Variants in GAS2L3 observed in about 807,000 individuals in gnomAD.
GAS2L3 encodes growth arrest specific 2 like 3.
A neutral mutation model predicts 37.0 loss-of-function variants in GAS2L3; 28 were observed. The ratio of observed to expected loss-of-function variants is 0.76; its 90% CI spans 0.56 to 1.04. The LOEUF is 1.04. Ranked by LOEUF, GAS2L3 falls within the 50% of genes least tolerant of loss-of-function variation. The pLI, the probability that GAS2L3 is intolerant of heterozygous loss-of-function variation, is 0.00. For synonymous variants in GAS2L3, 290 were observed against 296.6 expected, an observed-to-expected ratio of 0.98 and a Z score of 0.23; for missense variants, 793 against 817.6, an observed-to-expected ratio of 0.97 and a Z score of 0.37.
chr12:100,594,150 T>TA (rs1593168743), intron 2 of GAS2L3, among the ~76,000 whole-genome samples: 2 of 152,030 alleles, frequency 1.3e-5, no homozygotes, highest in East Asian at 3.8e-4. Flanking sequence ...CTATGAGCAA[T>TA]AAAAAATCCT....
Position 100,601,714 on chromosome 12 carries a change from T to G in GAS2L3, c.264T>G (p.Leu88=). The G allele has an allele frequency of 6.2e-7, 1 of 1,602,662 alleles. No homozygotes were observed. Among genetic ancestry groups the G allele is most frequent in the Non-Finnish European group, 8.5e-7 (1 of 1,172,584 alleles). The change falls in exon 5 of 10, where the codon CTT becomes CTG. Residue 88 remains leucine, a synonymous_variant. Coordinates refer to ENST00000547754, the MANE Select transcript of GAS2L3 (RefSeq NM_174942.3). ...TATTATGTCAACTGATTGATGTTCT[T>G]CAAAACATGGTGAAAACATGCAACT... ...GVLLCQLIDV[L]QNMVKTCNSE...
chr12:100,623,978 A>G lies in GAS2L3; in HGVS notation c.1173A>G (p.Ile391Met). The change falls in exon 10 of 10, where the codon ATA becomes ATG. Residue 391 changes from isoleucine (I) to methionine (M), a missense_variant. By Grantham distance (10) the Ile-to-Met change is conservative. Transcript: ENST00000547754. ...CCAAGCTCAAGTCTTCAAAAGGCATAACGAAGAAACCGCAGGCTCCTTCAA... is the reference window on the plus strand; with the variant it reads ...CCAAGCTCAAGTCTTCAAAAGGCATGACGAAGAAACCGCAGGCTCCTTCAA... ...SHPKLKSSKG[I>M]TKKPQAPSNN... 2 of 1,614,150 alleles carry G rather than the reference A, an allele frequency of 1.2e-6. No individual in the cohort carries two copies. Among genetic ancestry groups the G allele is most frequent in the Non-Finnish European group, 1.7e-6 (2 of 1,180,010 alleles).
In GAS2L3 at chr12:100,623,808, G is replaced by C; in HGVS notation, c.1003G>C (p.Val335Leu). Residue 335 changes from valine (V) to leucine (L), a missense_variant, in exon 10 of 10, where the codon GTG becomes CTG. Val to Leu is a conservative substitution (Grantham distance 32, BLOSUM62 1). Transcript: ENST00000547754. ...MFQKQNSKPSVPVSIPKSKEK... is the reference protein window; with the variant it reads ...MFQKQNSKPSLPVSIPKSKEK... ...TCAGAAACAAAATTCAAAACCCAGC[G>C]TGCCAGTTAGTATTCCAAAAAGCAA... 1 of 1,613,950 alleles carries C rather than the reference G, an allele frequency of 6.2e-7. No individual in the cohort carries two copies. The highest frequency in any genetic ancestry group is 8.5e-7 in the Non-Finnish European group (1 of 1,179,988).
intron 1 of GAS2L3, among the ~76,000 whole-genome samples, chr12:100,575,028 A>T (rs565135162): frequency 1.3e-5 from 2 of 152,266 alleles, no homozygotes; most frequent in East Asian, 3.9e-4. Flanking sequence ...GGGGCTCTGA[A>T]ATCAGACTTC....
chr12:100,610,909 A>G (rs1279513431), intron 5 of GAS2L3: 3 of 152,052 alleles, frequency 2.0e-5, no homozygotes, highest in South Asian at 2.1e-4. Context: ...TCCTTATTTG[A>G]TAGTCTCCTC....
At chr12:100,600,120 G>A (rs928098957) in intron 3 of GAS2L3, among the ~76,000 whole-genome samples, 1 of 152,108 alleles carries the variant, frequency 6.6e-6, no homozygotes, top group African/African-American at 2.4e-5. Context: ...TCAGCTACTC[G>A]GGAGGCTGAG....
At chr12:100,583,637 ATTTT>A (rs1275811223) in intron 1 of GAS2L3, among the ~76,000 whole-genome samples, 1 of 151,718 alleles carries the variant, frequency 6.6e-6, no homozygotes, top group Non-Finnish European at 1.5e-5. Context: ...ATGCCGACTA[ATTTT>A]TTTTGTATTT....
At chr12:100,620,996 T>G (rs1359638551) in intron 8 of GAS2L3, among the ~76,000 whole-genome samples, 1 of 152,100 alleles carries the variant, frequency 6.6e-6, no homozygotes, top group African/African-American at 2.4e-5. Context: ...TTCTATTTGT[T>G]TATACGCACG....
At chr12:100,579,350 G>A in intron 1 of GAS2L3, 2 of 704,712 alleles carry the variant, frequency 2.8e-6, no homozygotes. Context: ...TACTGAAATA[G>A]TGTCTGTCAT....
chr12:100,611,926 T>G (rs1336784585), intron 5 of GAS2L3, 74 bp from the exon 6 acceptor site: 2 of 966,292 alleles, frequency 2.1e-6, no homozygotes, highest in Non-Finnish European at 3.3e-6. Context: ...AACATTTATT[T>G]AGCAATATCA....
chr12:100,625,019 A>T lies in GAS2L3; in HGVS notation c.*129A>T. 4.2e-6 allele frequency: 3 copies of T among 720,044 alleles called. No homozygotes were observed. Among genetic ancestry groups the T allele is most frequent in the Non-Finnish European group, 6.9e-6 (3 of 436,520 alleles). The allele number at this position is 720,044 out of a possible 1,614,324, so 44.6% of individuals were successfully genotyped here. On this transcript the variant is annotated 3_prime_UTR_variant, in exon 10 of 10. Coordinates refer to ENST00000547754, the MANE Select transcript of GAS2L3 (RefSeq NM_174942.3). The stretch of plus-strand genomic sequence containing the variant: ...AAGGATAGTGAGGATGGAGGCTGGG[A>T]TGAGGAAAGGGTTCATCAGAATTCA...
At chr12:100,603,631 A>C (rs1956020175) in intron 5 of GAS2L3, among the ~76,000 whole-genome samples, 1 of 152,006 alleles carries the variant, frequency 6.6e-6, no homozygotes, top group African/African-American at 2.4e-5. Flanking sequence ...GAAGCTTTTT[A>C]ACTTGATATG....
intron 8 of GAS2L3, among the ~76,000 whole-genome samples, chr12:100,620,336 T>A (rs1190205765): frequency 6.6e-6 from 1 of 152,030 alleles, no homozygotes; most frequent in Non-Finnish European, 1.5e-5. Context: ...GAAATGAGAA[T>A]GAAAATAATA....
chr12:100,624,858 G>A lies in GAS2L3; in HGVS notation c.2053G>A (p.Val685Ile). The change falls in exon 10 of 10, where the codon GTC (valine) becomes ATC (isoleucine). Residue 685 changes from valine to isoleucine, a missense_variant. Coordinates refer to ENST00000547754, the MANE Select transcript of GAS2L3 (RefSeq NM_174942.3). ...KKKEDDDHYF[V>I]MTGSKKPRK ...AAAGGAAGATGATGACCATTATTTT[G>A]TCATGACTGGAAGTAAGAAACCTAG... The A allele has an allele frequency of 6.2e-7, 1 of 1,600,066 alleles. No homozygotes were observed. Among genetic ancestry groups the A allele is most frequent in the Non-Finnish European group, 8.5e-7 (1 of 1,171,184 alleles).
chr12:100,597,865 G>A (rs982887035), intron 3 of GAS2L3, among the ~76,000 whole-genome samples: 5 of 151,964 alleles, frequency 3.3e-5, no homozygotes, highest in Non-Finnish European at 5.9e-5. Context: ...AATAAGCTTA[G>A]TATATTTTAA....
intron 2 of GAS2L3, among the ~76,000 whole-genome samples, chr12:100,593,269 A>C (rs890542748): frequency 6.6e-6 from 1 of 152,144 alleles, no homozygotes; most frequent in African/African-American, 2.4e-5. Flanking sequence ...GATACATAAT[A>C]ACTTCTCTGC....
At position 100,624,730 on chromosome 12, in the gene GAS2L3, C is replaced by G. The variant is rs151137574; in HGVS notation, c.1925C>G (p.Thr642Ser). Residue 642 changes from threonine (T) to serine (S), a missense_variant, in exon 10 of 10, where the codon ACT (threonine) becomes AGT (serine). Coordinates refer to ENST00000547754, the MANE Select transcript of GAS2L3 (RefSeq NM_174942.3). ...ACTGTCGCTAAGAGCCAGCATTCAA[C>G]TAAAGGGCCTCCCAGAAGTGGCAAA... is the stretch of plus-strand genomic sequence containing the variant. ...AQTVAKSQHS[T>S]KGPPRSGKTP... 1.2e-6 allele frequency: 2 copies of G among 1,613,888 alleles called. No individual in the cohort carries two copies. The highest frequency in any genetic ancestry group is 1.7e-6 in the Non-Finnish European group (2 of 1,180,030).
At position 100,622,809 on chromosome 12, in the gene GAS2L3, A is replaced by G. The variant is rs535579275; in HGVS notation, c.756+427A>G. On this transcript the variant is annotated intron_variant, in intron 9 of 9. Coordinates refer to ENST00000547754, the MANE Select transcript of GAS2L3 (RefSeq NM_174942.3). ...AAAAGAAAGAAGTGTAGAGTTTATA[A>G]TAATACAAGCCTTGGGCATTAAACA... 1.0e-4 allele frequency among the ~76,000 whole-genome samples: 15 copies of G among 148,438 alleles called. No homozygotes were observed. The South Asian group carries it at 2.9e-3, about 29-fold the overall frequency.
chr12:100,579,978 C>T (rs1402530292), intron 1 of GAS2L3: 8 of 907,778 alleles, frequency 8.8e-6, no homozygotes, highest in Non-Finnish European at 1.5e-5. Context: ...GGACAAACAA[C>T]TGGACAGACT....
Sources: gnomAD v4.1 joint callset for allele counts (sites outside exome capture counted in the v4.1 genomes callset) on GRCh38, gnomAD v4.1.1 for gene constraint, MANE v1.5 for transcripts, NCBI Gene and HGNC (gene_info 2026-07-23, HGNC 2026-07-21) for gene names.